KAT6B: variants seen among roughly 807,000 people sequenced by gnomAD.
The protein encoded by KAT6B is lysine acetyltransferase 6B.
KAT6B carries 10 observed loss-of-function variants against 187.5 expected under a neutral mutation model. That is an observed-to-expected ratio of 0.05 (90% CI 0.03 to 0.09). The LOEUF (loss-of-function observed/expected upper bound fraction) is 0.09. KAT6B is among the 10% of genes least tolerant of loss of function. KAT6B has a pLI of 1.00. For missense variants in KAT6B, 1,952 were observed against 2,558.9 expected, an observed-to-expected ratio of 0.76 and a Z score of 5.12; for synonymous variants, 861 against 926.8, an observed-to-expected ratio of 0.93 and a Z score of 1.29.
chr10:74,848,519 GAACAAC>G (rs369678724), intron 3 of KAT6B, among the ~76,000 whole-genome samples: 4 of 150,650 alleles, frequency 2.7e-5, no homozygotes, highest in East Asian at 2.0e-4. Flanking sequence ...ACAACAACAA[GAACAAC>G]AACAACAACA....
intron 4 of KAT6B, among the ~76,000 whole-genome samples, chr10:74,960,701 G>T (rs368055235): frequency 4.0e-4 from 61 of 152,270 alleles, no homozygotes; most frequent in African/African-American, 1.4e-3. Flanking sequence ...ATCATTCTGA[G>T]CCCCTGTTTC....
intron 13 of KAT6B, among the ~76,000 whole-genome samples, chr10:75,010,930 T>C (rs947797756): frequency 6.6e-6 from 1 of 152,232 alleles, no homozygotes; most frequent in African/African-American, 2.4e-5. Context: ...TTTAAGTGCA[T>C]GCAGTCATTT....
intron 3 of KAT6B, among the ~76,000 whole-genome samples, chr10:74,887,225 G>C (rs1407466236): frequency 6.6e-6 from 1 of 152,170 alleles, no homozygotes; most frequent in East Asian, 1.9e-4. Flanking sequence ...ACAGGAGAGA[G>C]GGGTGGGGTG....
intron 7 of KAT6B, among the ~76,000 whole-genome samples, chr10:74,972,928 A>G (rs974446976): frequency 5.9e-5 from 9 of 152,188 alleles, no homozygotes; most frequent in Admixed American, 2.0e-4. Context: ...CATTCAGCCT[A>G]CTTTATTACT....
intron 1 of KAT6B, among the ~76,000 whole-genome samples, chr10:74,831,824 A>T (rs528170806): frequency 2.1e-4 from 32 of 152,348 alleles, no homozygotes; most frequent in Admixed American, 1.6e-3. Context: ...TACAGAAGAG[A>T]AAACAGAGAC....
chr10:74,935,557 C>A (rs1464872831), intron 3 of KAT6B, among the ~76,000 whole-genome samples: 1 of 152,214 alleles, frequency 6.6e-6, no homozygotes, highest in East Asian at 1.9e-4. Flanking sequence ...CCTGCCTCAG[C>A]CTCCCAAACT....
At chr10:74,848,709 C>T (rs1351564011) in intron 3 of KAT6B, among the ~76,000 whole-genome samples, 1 of 152,032 alleles carries the variant, frequency 6.6e-6, no homozygotes, top group Non-Finnish European at 1.5e-5. Context: ...GCCTAGTAGC[C>T]ATTTTAAAAT....
intron 3 of KAT6B, among the ~76,000 whole-genome samples, chr10:74,942,198 ATGG>A (rs1849722713): frequency 6.6e-6 from 1 of 152,124 alleles, no homozygotes; most frequent in Non-Finnish European, 1.5e-5. Context: ...AAAGGAAACT[ATGG>A]AACATTCCTC....
chr10:74,868,352 A>G (rs922048707), intron 3 of KAT6B, among the ~76,000 whole-genome samples: 2 of 152,176 alleles, frequency 1.3e-5, no homozygotes, highest in African/African-American at 2.4e-5. Context: ...TAAATCTGCC[A>G]TATTTTTTCT....
In KAT6B at chr10:74,829,008, TA is replaced by T. The variant is rs796790976; in HGVS notation, c.-329+2238del. ...AGGTTGGAGTGGTGAAGTGATGGTT[TA>T]AAAAAAAAAAAAAAGAAAAGAAAAG... On this transcript the variant is annotated intron_variant, in intron 1 of 17. Transcript: ENST00000287239. Among the ~76,000 whole-genome samples, 893 of 136,142 alleles carry T rather than the reference TA, an allele frequency of 6.6e-3. 6 individuals carry two copies. Among genetic ancestry groups the T allele is most frequent in the African/African-American group, 0.013 (503 of 37,358 alleles). 89.3% of individuals were successfully genotyped at this position (136,142 alleles called of 152,430 possible).
At chr10:75,028,187 A>G (rs545908607) in intron 17 of KAT6B, among the ~76,000 whole-genome samples, 20 of 151,878 alleles carry the variant, frequency 1.3e-4, no homozygotes, top group Non-Finnish European at 2.8e-4. Context: ...TTTTTTTTAC[A>G]CTGTGGAACT....
At chr10:74,951,753 T>C (rs1386817811) in intron 3 of KAT6B, among the ~76,000 whole-genome samples, 3 of 152,216 alleles carry the variant, frequency 2.0e-5, no homozygotes, top group Non-Finnish European at 4.4e-5. Context: ...GATTAGACAA[T>C]GGTGGAACCC....
intron 3 of KAT6B, among the ~76,000 whole-genome samples, chr10:74,863,039 A>G (rs1843296988): frequency 6.6e-6 from 1 of 152,182 alleles, no homozygotes; most frequent in African/African-American, 2.4e-5. Flanking sequence ...ATGTTATTTA[A>G]GTAATCAGAA....
At chr10:74,996,499 G>A (rs183139567) in intron 13 of KAT6B, among the ~76,000 whole-genome samples, 74 of 151,664 alleles carry the variant, frequency 4.9e-4, no homozygotes, top group Middle Eastern at 3.5e-3. Context: ...GGTGGGGTGC[G>A]GTGGCTCACG....
chr10:75,021,833 T>A lies in KAT6B; in HGVS notation c.3022-48T>A, dbSNP rs1845428262. 5 of 1,604,864 alleles carry A rather than the reference T, an allele frequency of 3.1e-6. No homozygotes were observed. In the African/African-American group the frequency reaches 4.0e-5, roughly 13 times the overall value. ...GCCATTGATCCTCAGAGGCTCTGGC[T>A]GTGTAACTGCCCTCTCACTGGCCAC... On this transcript the variant is annotated intron_variant, in intron 15 of 17. Transcript: ENST00000287239.
intron 13 of KAT6B, among the ~76,000 whole-genome samples, chr10:75,006,165 G>A (rs1344163250): frequency 6.6e-6 from 1 of 151,958 alleles, no homozygotes; most frequent in Non-Finnish European, 1.5e-5. Flanking sequence ...AAATTGTTAG[G>A]GTCATGTCAA....
intron 3 of KAT6B, among the ~76,000 whole-genome samples, chr10:74,868,696 C>G (rs963333886): frequency 6.6e-6 from 1 of 152,188 alleles, no homozygotes; most frequent in African/African-American, 2.4e-5. Flanking sequence ...CATTTATATC[C>G]TAGTAACTAT....
intron 3 of KAT6B, among the ~76,000 whole-genome samples, chr10:74,912,159 A>G (rs1229969916): frequency 6.6e-6 from 1 of 152,138 alleles, no homozygotes; most frequent in Non-Finnish European, 1.5e-5. Context: ...TTCAAAAATT[A>G]TGCTCAATTT....
At chr10:74,956,637 C>T (rs1185688605) in intron 3 of KAT6B, among the ~76,000 whole-genome samples, 1 of 152,158 alleles carries the variant, frequency 6.6e-6, no homozygotes, top group African/African-American at 2.4e-5. Flanking sequence ...AGCTCTACAC[C>T]TGAACCTATG....
Sources: gnomAD v4.1 joint callset for allele counts (sites outside exome capture counted in the v4.1 genomes callset) on GRCh38, gnomAD v4.1.1 for gene constraint, MANE v1.5 for transcripts, NCBI Gene and HGNC (gene_info 2026-07-23, HGNC 2026-07-21) for gene names.